The following RPS6KC1 variants were observed in gnomAD, a reference collection of about 807,000 sequenced individuals.
RPS6KC1 encodes the protein ribosomal protein S6 kinase C1, also known as inactive ribosomal protein S6 kinase delta-1.
RPS6KC1 carries 54 observed loss-of-function variants against 103.8 expected under a neutral mutation model. The ratio of observed to expected loss-of-function variants is 0.52; its 90% CI spans 0.42 to 0.65. RPS6KC1 has a LOEUF of 0.65. Among genes scored for constraint, RPS6KC1 ranks in the 30% least tolerant of loss-of-function variants. The pLI is 0.00. For synonymous variants in RPS6KC1, 439 were observed against 438.7 expected (o/e 1.00, Z -0.01); for missense variants, 1,151 against 1,253.8 (o/e 0.92, Z 1.24).
the RPS6KC1 span, among the ~76,000 whole-genome samples, chr1:213,386,535 T>A: frequency 6.6e-6 from 1 of 152,194 alleles, no homozygotes; most frequent in Non-Finnish European, 1.5e-5. Context: ...GGGCTGGCTG[T>A]CCTGTGTTTA....
intron 8 of RPS6KC1, among the ~76,000 whole-genome samples, chr1:213,203,666 T>C (rs2093245629): frequency 6.6e-6 from 1 of 152,122 alleles, no homozygotes; most frequent in African/African-American, 2.4e-5. Context: ...TACATGTTCA[T>C]TATAGAAAAA....
the RPS6KC1 span, among the ~76,000 whole-genome samples, chr1:213,357,109 TC>T: frequency 2.0e-5 from 3 of 151,508 alleles, no homozygotes; most frequent in Non-Finnish European, 4.4e-5. Context: ...AGCACCTACA[TC>T]GGGATCACCT....
At chr1:213,214,733 T>G (rs2093613053) in intron 8 of RPS6KC1, among the ~76,000 whole-genome samples, 1 of 152,326 alleles carries the variant, frequency 6.6e-6, no homozygotes, top group South Asian at 2.1e-4. Context: ...TTCGCTGTTC[T>G]GCAGCCTCCA....
the RPS6KC1 span, among the ~76,000 whole-genome samples, chr1:213,728,958 T>TTTTTTTTTTTTTTTTTTG: frequency 7.1e-6 from 1 of 141,384 alleles, no homozygotes; most frequent in Non-Finnish European, 1.5e-5. Context: ...GTTTTTTTTT[T>TTTTTTTTTTTTTTTTTTG]TTTTTTTACC....
At chr1:213,563,207 C>A in the RPS6KC1 span, among the ~76,000 whole-genome samples, 3 of 152,122 alleles carry the variant, frequency 2.0e-5, no homozygotes, top group Non-Finnish European at 4.4e-5. Flanking sequence ...GTCCTTTTTA[C>A]CATTGTAAAA....
the RPS6KC1 span, among the ~76,000 whole-genome samples, chr1:213,367,405 A>T: frequency 6.6e-6 from 1 of 152,226 alleles, no homozygotes; most frequent in Admixed American, 6.5e-5. Flanking sequence ...CTTTGTTTTC[A>T]AGGTCAAAGT....
the RPS6KC1 span, among the ~76,000 whole-genome samples, chr1:213,392,146 T>G: frequency 6.6e-6 from 1 of 152,142 alleles, no homozygotes; most frequent in Non-Finnish European, 1.5e-5. Context: ...CCACCCATGA[T>G]GTAGTTGGGA....
chr1:213,316,663 C>T, the RPS6KC1 span, among the ~76,000 whole-genome samples: 1 of 151,130 alleles, frequency 6.6e-6, no homozygotes, highest in Non-Finnish European at 1.5e-5. Context: ...CTGAGGATGA[C>T]TACAGAGAAA....
At chr1:213,391,671 A>G in the RPS6KC1 span, among the ~76,000 whole-genome samples, 3 of 152,346 alleles carry the variant, frequency 2.0e-5, no homozygotes, top group South Asian at 6.2e-4. Context: ...TCAGTTTTCA[A>G]ATCTGTGAAA....
intron 3 of RPS6KC1, among the ~76,000 whole-genome samples, chr1:213,103,281 C>A (rs2082171756): frequency 6.6e-6 from 1 of 151,946 alleles, no homozygotes; most frequent in African/African-American, 2.4e-5. Context: ...GTTATTCACT[C>A]ACACAGTCAA....
chr1:213,507,880 A>T, the RPS6KC1 span, among the ~76,000 whole-genome samples: 5 of 152,234 alleles, frequency 3.3e-5, no homozygotes, highest in African/African-American at 1.2e-4. Flanking sequence ...CCTGTAAATC[A>T]GAGCTTTAAA....
chr1:213,452,947 T>G, the RPS6KC1 span, among the ~76,000 whole-genome samples: 3 of 152,214 alleles, frequency 2.0e-5, no homozygotes, highest in African/African-American at 7.2e-5. Flanking sequence ...GTGTTAGCAT[T>G]TCCAATCTGT....
At chr1:213,837,885 G>T in the RPS6KC1 span, among the ~76,000 whole-genome samples, 1 of 151,824 alleles carries the variant, frequency 6.6e-6, no homozygotes, top group South Asian at 2.1e-4. Context: ...CTGCATATAG[G>T]CTCATTGTTC....
the RPS6KC1 span, among the ~76,000 whole-genome samples, chr1:213,668,356 A>C: frequency 6.6e-6 from 1 of 152,036 alleles, no homozygotes; most frequent in Non-Finnish European, 1.5e-5. Context: ...GACAAGGTGC[A>C]TTGTCAATGA....
chr1:213,780,200 G>A, the RPS6KC1 span, among the ~76,000 whole-genome samples: 3 of 152,226 alleles, frequency 2.0e-5, no homozygotes, highest in Non-Finnish European at 2.9e-5. Context: ...GCCAAAGAAG[G>A]TGTATAGATT....
chr1:213,055,937 C>G (rs2077298021), intron 1 of RPS6KC1, among the ~76,000 whole-genome samples: 1 of 152,110 alleles, frequency 6.6e-6, no homozygotes, highest in African/African-American at 2.4e-5. Flanking sequence ...GGGGGTTTCA[C>G]TGCATCACCC....
the RPS6KC1 span, among the ~76,000 whole-genome samples, chr1:213,655,935 C>A: frequency 5.9e-4 from 90 of 152,238 alleles, 3 homozygotes; most frequent in East Asian, 7.5e-3. Context: ...TTTCAGTTTG[C>A]TGTTTCTTGA....
chr1:213,513,438 G>A, the RPS6KC1 span, among the ~76,000 whole-genome samples: 5 of 144,472 alleles, frequency 3.5e-5, no homozygotes, highest in African/African-American at 1.2e-4. Flanking sequence ...GTGGTCAGGG[G>A]ACTTTGTAGT....
intron 8 of RPS6KC1, among the ~76,000 whole-genome samples, chr1:213,219,648 G>A (rs1171818340): frequency 6.6e-6 from 1 of 152,096 alleles, no homozygotes; most frequent in East Asian, 1.9e-4. Flanking sequence ...AGAAAATGTG[G>A]CACATATACA....
Sources: allele counts gnomAD v4.1 joint callset (sites outside exome capture counted in the v4.1 genomes callset), GRCh38; gene constraint gnomAD v4.1.1; transcripts MANE v1.5; gene names NCBI Gene and HGNC (gene_info 2026-07-23, HGNC 2026-07-21).